FRMD4A: variants seen among roughly 807,000 people sequenced by gnomAD.
FRMD4A encodes FERM domain-containing protein 4A.
In FRMD4A, 29 loss-of-function variants were observed where a neutral mutation model predicts 129.1. The ratio of observed to expected loss-of-function variants is 0.22; its 90% CI spans 0.17 to 0.31. The LOEUF (loss-of-function observed/expected upper bound fraction) is 0.31, where lower values mean the gene tolerates loss of function less well. FRMD4A is among the 10% of genes least tolerant of loss of function. The probability of loss-of-function intolerance (pLI) is 1.00; values close to 1 mark genes in which losing one functional copy is unlikely to be tolerated. For missense variants in FRMD4A, 1,272 were observed against 1,375.8 expected (o/e 0.92, Z 1.19); for synonymous variants, 634 against 571.6 (o/e 1.11, Z -1.56).
chr10:14,095,628 C>T (rs1193539395), intron 2 of FRMD4A, among the ~76,000 whole-genome samples: 1 of 152,240 alleles, frequency 6.6e-6, no homozygotes, highest in Non-Finnish European at 1.5e-5. Context: ...TTGCTCACTG[C>T]ATCCATTTCT....
In FRMD4A at chr10:14,183,299, C is replaced by A. The variant is rs181823977; in HGVS notation, c.45+146759G>T. 1.2e-4 allele frequency among the ~76,000 whole-genome samples: 18 copies of A among 152,314 alleles called. No individual in the cohort carries two copies. In the East Asian group the frequency reaches 3.5e-3, roughly 29 times the overall value. ...ATTAGTGGTGTCTTGGAAAGTTACA[C>A]ATTAATTTATTTAGAAATCTGCAGG... On this transcript the variant is annotated intron_variant, in intron 2 of 24. Transcript: ENST00000357447.
intron 2 of FRMD4A, among the ~76,000 whole-genome samples, chr10:14,280,166 G>T (rs976797011): frequency 2.0e-5 from 3 of 152,184 alleles, no homozygotes; most frequent in African/African-American, 7.2e-5. Context: ...AGGACAGTGC[G>T]ATGTGGTGGT....
At chr10:14,289,593 C>T (rs1172698130) in intron 2 of FRMD4A, among the ~76,000 whole-genome samples, 2 of 152,028 alleles carry the variant, frequency 1.3e-5, no homozygotes, top group African/African-American at 2.4e-5. Context: ...CTTTTTACAA[C>T]AAACTAAGTA....
intron 12 of FRMD4A, 61 bp from the exon 13 acceptor site, chr10:13,707,174 CT>C: frequency 9.9e-7 from 1 of 1,005,086 alleles, no homozygotes. Flanking sequence ...CCATCTTCCC[CT>C]CTCTGCTGGT....
At chr10:14,028,048 G>T (rs369525309) in intron 2 of FRMD4A, among the ~76,000 whole-genome samples, 1 of 152,184 alleles carries the variant, frequency 6.6e-6, no homozygotes, top group East Asian at 1.9e-4. Context: ...AGTGCTTATC[G>T]GTATATGAGA....
At chr10:13,707,531 G>A in intron 12 of FRMD4A, 1 of 1,004,928 alleles carries the variant, frequency 1.0e-6, no homozygotes, top group Non-Finnish European at 1.2e-6. Context: ...CGAGCGCTCA[G>A]GAGGGAGCGG....
intron 2 of FRMD4A, among the ~76,000 whole-genome samples, chr10:13,927,414 G>A (rs1215377303): frequency 1.3e-5 from 2 of 152,160 alleles, no homozygotes; most frequent in African/African-American, 2.4e-5. Flanking sequence ...ATGAATCAGT[G>A]CTTGAAGATT....
At chr10:14,298,185 A>AG (rs149084798) in intron 2 of FRMD4A, among the ~76,000 whole-genome samples, 1,667 of 152,328 alleles carry the variant, frequency 0.011, 32 homozygotes, top group African/African-American at 0.037. Flanking sequence ...GGCCCTTTGC[A>AG]GAAAAAAATT....
chr10:13,682,137 T>C (rs1018916531), intron 15 of FRMD4A, among the ~76,000 whole-genome samples: 1 of 151,978 alleles, frequency 6.6e-6, no homozygotes, highest in African/African-American at 2.4e-5. Context: ...GATGGGAGAA[T>C]TCCTTCAGCA....
intron 12 of FRMD4A, among the ~76,000 whole-genome samples, chr10:13,730,419 C>A (rs1021232376): frequency 1.3e-5 from 2 of 152,134 alleles, no homozygotes; most frequent in African/African-American, 4.8e-5. Flanking sequence ...CGTGGGATAC[C>A]CAGTCTGAGG....
intron 2 of FRMD4A, among the ~76,000 whole-genome samples, chr10:13,946,083 T>C (rs1410493613): frequency 6.6e-6 from 1 of 152,180 alleles, no homozygotes; most frequent in African/African-American, 2.4e-5. Flanking sequence ...ACTTCACAAC[T>C]ATGAGTTGGG....
At chr10:14,253,837 C>T (rs2132023874) in intron 2 of FRMD4A, among the ~76,000 whole-genome samples, 1 of 152,248 alleles carries the variant, frequency 6.6e-6, no homozygotes, top group Non-Finnish European at 1.5e-5. Flanking sequence ...GCTGAGACAG[C>T]AAGAATCTTG....
chr10:13,863,826 T>G (rs1396560423), intron 2 of FRMD4A, among the ~76,000 whole-genome samples: 3 of 151,814 alleles, frequency 2.0e-5, no homozygotes, highest in Admixed American at 6.6e-5. Flanking sequence ...TTTGGAGAGG[T>G]GCAGAGTACC....
chr10:14,186,841 C>T (rs553217344), intron 2 of FRMD4A, among the ~76,000 whole-genome samples: 1 of 152,024 alleles, frequency 6.6e-6, no homozygotes, highest in Non-Finnish European at 1.5e-5. Flanking sequence ...CCTTCTCTGA[C>T]CAGTATGGTG....
chr10:14,217,249 C>T (rs988217307), intron 2 of FRMD4A, among the ~76,000 whole-genome samples: 1 of 152,224 alleles, frequency 6.6e-6, no homozygotes, highest in African/African-American at 2.4e-5. Context: ...CTTTGGACCA[C>T]TGAAATGGTT....
At chr10:14,325,310 T>C (rs947770506) in intron 2 of FRMD4A, among the ~76,000 whole-genome samples, 2 of 152,238 alleles carry the variant, frequency 1.3e-5, no homozygotes, top group African/African-American at 2.4e-5. Flanking sequence ...GATTAGATTA[T>C]AGTAATAGAA....
chr10:13,701,301 G>C, intron 14 of FRMD4A, 39 bp downstream of exon 14: 1 of 1,591,460 alleles, frequency 6.3e-7, no homozygotes, highest in African/African-American at 1.3e-5. Flanking sequence ...AAGAGAGGCA[G>C]ACAATGGCCC....
At chr10:14,264,081 T>C (rs1844896630) in intron 2 of FRMD4A, among the ~76,000 whole-genome samples, 1 of 152,140 alleles carries the variant, frequency 6.6e-6, no homozygotes, top group African/African-American at 2.4e-5. Flanking sequence ...TCACAGCATC[T>C]CTCAAGAACT....
chr10:13,858,593 G>A (rs769815882), intron 3 of FRMD4A, among the ~76,000 whole-genome samples: 15 of 152,288 alleles, frequency 9.8e-5, no homozygotes, highest in South Asian at 2.1e-4. Context: ...AGGGCATTGT[G>A]GAATTTCCTT....
Sources: gnomAD v4.1 joint callset for allele counts (sites outside exome capture counted in the v4.1 genomes callset) on GRCh38, gnomAD v4.1.1 for gene constraint, MANE v1.5 for transcripts, NCBI Gene and HGNC (gene_info 2026-07-23, HGNC 2026-07-21) for gene names.